The following NRCAM variants were observed in gnomAD, a reference collection of about 807,000 sequenced individuals.
NRCAM encodes neuronal cell adhesion molecule.
In NRCAM, 83 loss-of-function variants were observed where a neutral mutation model predicts 156.5. The observed-to-expected ratio is 0.53, with a 90% CI of 0.44 to 0.64. The LOEUF is 0.64. NRCAM is among the 30% of genes least tolerant of loss of function. NRCAM has a pLI of 0.00. For missense variants in NRCAM, 1,417 were observed against 1,597.3 expected (o/e 0.89, Z 1.92); for synonymous variants, 538 against 563.9 (o/e 0.95, Z 0.65).
chr7:108,411,649 C>T (rs2300040), intron 1 of NRCAM, among the ~76,000 whole-genome samples: 38,283 of 152,032 alleles, frequency 0.25, 5,092 homozygotes, highest in Non-Finnish European at 0.28. Context: ...CCTGCCTCAG[C>T]CTCTTGAGTA....
intron 1 of NRCAM, among the ~76,000 whole-genome samples, chr7:108,444,578 C>G (rs1003265088): frequency 5.9e-5 from 9 of 152,134 alleles, no homozygotes; most frequent in African/African-American, 2.2e-4. Context: ...AGAATCTGTT[C>G]CATGCATCTC....
chr7:108,298,301 T>C (rs1461498043), intron 3 of NRCAM, among the ~76,000 whole-genome samples: 2 of 151,764 alleles, frequency 1.3e-5, no homozygotes, highest in Admixed American at 1.3e-4. Flanking sequence ...GGTGTGACAA[T>C]GTAAGGGGCT....
chr7:108,409,002 G>A (rs1791966909), intron 1 of NRCAM, among the ~76,000 whole-genome samples: 1 of 152,062 alleles, frequency 6.6e-6, no homozygotes, highest in Non-Finnish European at 1.5e-5. Flanking sequence ...GGGAACGAGG[G>A]GTGTGACATA....
chr7:108,214,662 G>A (rs1434147982), intron 11 of NRCAM, among the ~76,000 whole-genome samples: 1 of 151,950 alleles, frequency 6.6e-6, no homozygotes, highest in Non-Finnish European at 1.5e-5. Context: ...ATTTGTTTCG[G>A]TTGCTTCTCT....
At chr7:108,245,060 A>C (rs573152864) in intron 3 of NRCAM, among the ~76,000 whole-genome samples, 5 of 152,316 alleles carry the variant, frequency 3.3e-5, no homozygotes, top group Non-Finnish European at 7.3e-5. Flanking sequence ...GCATTAACTT[A>C]TCTTCCCAAC....
intron 1 of NRCAM, among the ~76,000 whole-genome samples, chr7:108,420,765 G>A (rs1370678160): frequency 6.6e-6 from 1 of 152,174 alleles, no homozygotes; most frequent in African/African-American, 2.4e-5. Context: ...CCCAATTAAT[G>A]CGTGCATAAC....
At chr7:108,165,021 G>A (rs2052948234) in intron 30 of NRCAM, among the ~76,000 whole-genome samples, 1 of 152,114 alleles carries the variant, frequency 6.6e-6, no homozygotes, top group Non-Finnish European at 1.5e-5. Context: ...TCTAACTTTG[G>A]ATAAAGTCAC....
intron 3 of NRCAM, among the ~76,000 whole-genome samples, chr7:108,246,812 A>G (rs1367689714): frequency 2.6e-5 from 4 of 152,238 alleles, no homozygotes; most frequent in Non-Finnish European, 5.9e-5. Flanking sequence ...TATGGCAGGT[A>G]GACTGTTGCA....
chr7:108,363,718 G>T (rs1038597935), intron 2 of NRCAM, among the ~76,000 whole-genome samples: 3 of 152,122 alleles, frequency 2.0e-5, no homozygotes, highest in African/African-American at 7.2e-5. Context: ...ATATATTTTT[G>T]ATATGATATG....
chr7:108,332,327 T>C (rs1378114943), intron 2 of NRCAM, among the ~76,000 whole-genome samples: 1 of 152,208 alleles, frequency 6.6e-6, no homozygotes, highest in Non-Finnish European at 1.5e-5. Context: ...TTGATGCAAA[T>C]TGGTATATTT....
chr7:108,206,835 T>C (rs13229913), intron 13 of NRCAM, among the ~76,000 whole-genome samples: 1,666 of 152,198 alleles, frequency 0.011, 17 homozygotes, highest in Middle Eastern at 0.034. Flanking sequence ...CTTGGAGATA[T>C]TGGCTAATGA....
intron 1 of NRCAM, among the ~76,000 whole-genome samples, chr7:108,446,654 G>A (rs555604645): frequency 1.3e-5 from 2 of 151,936 alleles, no homozygotes; most frequent in South Asian, 2.1e-4. Context: ...ATGCAGACTC[G>A]GCCCCTCAAT....
chr7:108,316,188 C>CA (rs2098917597), intron 2 of NRCAM, among the ~76,000 whole-genome samples: 2 of 152,134 alleles, frequency 1.3e-5, no homozygotes, highest in Non-Finnish European at 2.9e-5. Context: ...GGTTTGTTCT[C>CA]ACAAGAGTGG....
chr7:108,325,534 A>G (rs373657429), intron 2 of NRCAM, among the ~76,000 whole-genome samples: 11 of 151,654 alleles, frequency 7.3e-5, no homozygotes, highest in African/African-American at 2.4e-4. Flanking sequence ...CTTTTCTTGT[A>G]TGTCATCTCT....
At position 108,194,343 on chromosome 7, in the gene NRCAM, T is replaced by C; in HGVS notation, c.1549A>G (p.Lys517Glu). ...NGTLEIPVAQKDSTGTYTCVA... is the reference protein window; with the variant it reads ...NGTLEIPVAQEDSTGTYTCVA... ...CACGTATAAGTTCCTGTACTGTCCT[T>C]TTGGGCCACAGGAATTTCCAAAGTT... Residue 517 changes from lysine to glutamate, a missense_variant, in exon 16 of 33, where the codon AAG (lysine) becomes GAG (glutamate). Lys to Glu is a moderately conservative substitution (Grantham distance 56). This residue lies in a region of NRCAM where 1,238 missense variants were observed against 1,336.4 expected (regional missense o/e 0.93). Transcript: ENST00000379028. 1 of 1,613,582 alleles carries C rather than the reference T, an allele frequency of 6.2e-7. No homozygotes were observed. The highest frequency in any genetic ancestry group is 1.3e-5 in the African/African-American group (1 of 75,058).
In NRCAM at chr7:108,194,197, A is replaced by G. The variant is rs1219529274; in HGVS notation, c.1631-26T>C. The G allele has an allele frequency of 1.9e-6, 3 of 1,612,394 alleles. No homozygotes were observed. The African/African-American group carries it at 4.0e-5, about 22-fold the overall frequency. On this transcript the variant is annotated intron_variant, in intron 16 of 32. Coordinates refer to ENST00000379028, the MANE Select transcript of NRCAM (RefSeq NM_001037132.4). ...CTGAAATGTAGAGTCATCGTTATCC[A>G]TTTGGCAAAGCTGGAGAATTTGTTC...
intron 11 of NRCAM, among the ~76,000 whole-genome samples, chr7:108,220,337 GA>G (rs968029456): frequency 6.6e-6 from 1 of 152,024 alleles, no homozygotes; most frequent in African/African-American, 2.4e-5. Flanking sequence ...TACAGAATTA[GA>G]AAAAAACATT....
At chr7:108,401,356 C>A (rs538630432) in intron 1 of NRCAM, among the ~76,000 whole-genome samples, 1 of 152,124 alleles carries the variant, frequency 6.6e-6, no homozygotes, top group Admixed American at 6.6e-5. Context: ...GTCTTGGCAA[C>A]ATGAAGAAAC....
chr7:108,177,043 T>C (rs978672331), intron 26 of NRCAM, among the ~76,000 whole-genome samples: 1 of 152,144 alleles, frequency 6.6e-6, no homozygotes, highest in African/African-American at 2.4e-5. Context: ...CTCCTAAAGG[T>C]CTGTATTATT....
Sources: allele counts gnomAD v4.1 joint callset (sites outside exome capture counted in the v4.1 genomes callset), GRCh38; gene constraint gnomAD v4.1.1; regional missense constraint gnomAD v4.1.1; transcripts MANE v1.5; gene names NCBI Gene and HGNC (gene_info 2026-07-23, HGNC 2026-07-21).